The following SIK2 variants were observed in gnomAD, a reference collection of about 807,000 sequenced individuals.
SIK2 encodes salt inducible kinase 2.
In SIK2, 29 loss-of-function variants were observed where a neutral mutation model predicts 103.2. The observed-to-expected ratio is 0.28, with a 90% CI of 0.21 to 0.38. The LOEUF (loss-of-function observed/expected upper bound fraction) is 0.38, where lower values mean the gene tolerates loss of function less well. Among genes scored for constraint, SIK2 ranks in the 10% least tolerant of loss-of-function variants. The pLI, the probability that SIK2 is intolerant of heterozygous loss-of-function variation, is 1.00. For missense variants in SIK2, 879 were observed against 1,171.0 expected (o/e 0.75, Z 3.64); for synonymous variants, 412 against 446.1 (o/e 0.92, Z 0.96).
At chr11:111,622,258 T>C (rs1941898176) in intron 3 of SIK2, among the ~76,000 whole-genome samples, 1 of 128,628 alleles carries the variant, frequency 7.8e-6, no homozygotes, top group Non-Finnish European at 1.6e-5. Flanking sequence ...TTTTTTTTTT[T>C]TTTTTTTTTT....
chr11:111,719,872 G>A lies in SIK2; in HGVS notation c.1364G>A (p.Gly455Glu). Residue 455 changes from glycine to glutamate, a missense_variant, in exon 10 of 15, where the codon GGG (glycine) becomes GAG (glutamate). Gly to Glu is a moderately conservative substitution (Grantham distance 98). This residue lies in a region of SIK2 where 222 missense variants were observed against 258.0 expected (regional missense o/e 0.86). Coordinates refer to ENST00000304987, the MANE Select transcript of SIK2 (RefSeq NM_015191.3). ...ATGATGGAGACCTCCATTGACGAAG[G>A]GCTGGAGACAGAAGGAGAGGCCGAG... ...SNMMETSIDE[G>E]LETEGEAEED... 6.2e-7 allele frequency: 1 copy of A among 1,614,100 alleles called. No homozygotes were observed. Among genetic ancestry groups the A allele is most frequent in the Non-Finnish European group, 8.5e-7 (1 of 1,180,032 alleles).
intron 3 of SIK2, among the ~76,000 whole-genome samples, chr11:111,622,170 C>T (rs1267356814): frequency 6.6e-6 from 1 of 150,698 alleles, no homozygotes; most frequent in Non-Finnish European, 1.5e-5. Flanking sequence ...ATCAATGCAG[C>T]TACCATTTCT....
chr11:111,709,243 T>A (rs1387925482), intron 8 of SIK2, among the ~76,000 whole-genome samples: 3 of 152,146 alleles, frequency 2.0e-5, no homozygotes, highest in Non-Finnish European at 4.4e-5. Context: ...ATCTCTGGTG[T>A]CTCTCCCTCC....
chr11:111,634,512 T>G (rs905353132), intron 3 of SIK2, among the ~76,000 whole-genome samples: 1 of 152,184 alleles, frequency 6.6e-6, no homozygotes, highest in African/African-American at 2.4e-5. Context: ...AAATCTGTCC[T>G]TACTTCTCCA....
intron 3 of SIK2, among the ~76,000 whole-genome samples, chr11:111,668,206 T>TG (rs1942575556): frequency 2.8e-4 from 30 of 105,464 alleles, no homozygotes; most frequent in African/African-American, 8.9e-4. Context: ...GTGTGTGTGT[T>TG]TGTGCACACG....
At chr11:111,667,488 C>CTTTTTTT (rs565449284) in intron 3 of SIK2, among the ~76,000 whole-genome samples, 5 of 105,370 alleles carry the variant, frequency 4.7e-5, no homozygotes, top group Admixed American at 2.2e-4. Flanking sequence ...TGTTGGTTAT[C>CTTTTTTT]TTTTTTTTTT....
intron 3 of SIK2, among the ~76,000 whole-genome samples, chr11:111,653,366 C>A (rs371059893): frequency 6.6e-6 from 1 of 152,322 alleles, no homozygotes; most frequent in Non-Finnish European, 1.5e-5. Context: ...AGAAAAACAA[C>A]GTTGTATCCT....
intron 4 of SIK2, among the ~76,000 whole-genome samples, chr11:111,699,986 T>C (rs1943175278): frequency 6.6e-6 from 1 of 152,196 alleles, no homozygotes; most frequent in Non-Finnish European, 1.5e-5. Flanking sequence ...GGCTCTTCAG[T>C]CAGGAGTATG....
intron 8 of SIK2, among the ~76,000 whole-genome samples, chr11:111,707,360 C>A (rs1359794476): frequency 6.6e-6 from 1 of 152,210 alleles, no homozygotes; most frequent in African/African-American, 2.4e-5. Context: ...CCCGGCATAT[C>A]TCAAATTATA....
At chr11:111,663,605 T>C (rs1942496606) in intron 3 of SIK2, among the ~76,000 whole-genome samples, 1 of 152,120 alleles carries the variant, frequency 6.6e-6, no homozygotes, top group Non-Finnish European at 1.5e-5. Context: ...TTTCAGTGGT[T>C]ACTTTGACTT....
At chr11:111,613,864 A>G (rs1941764251) in intron 1 of SIK2, among the ~76,000 whole-genome samples, 2 of 152,154 alleles carry the variant, frequency 1.3e-5, no homozygotes, top group African/African-American at 4.8e-5. Context: ...AGAGTTCTAC[A>G]ATTAATTCAA....
chr11:111,695,501 T>C (rs1943050540), intron 4 of SIK2, among the ~76,000 whole-genome samples: 1 of 152,242 alleles, frequency 6.6e-6, no homozygotes, highest in South Asian at 2.1e-4. Flanking sequence ...ATTTAGCAAG[T>C]GTAATCTTTT....
intron 3 of SIK2, among the ~76,000 whole-genome samples, chr11:111,649,573 T>C (rs1274745750): frequency 1.3e-5 from 2 of 152,162 alleles, no homozygotes; most frequent in Non-Finnish European, 2.9e-5. Flanking sequence ...AGTTACATTA[T>C]CTACTTGGGG....
chr11:111,716,062 A>C (rs940302003), intron 9 of SIK2, among the ~76,000 whole-genome samples: 6 of 152,108 alleles, frequency 3.9e-5, no homozygotes, highest in Non-Finnish European at 8.8e-5. Flanking sequence ...TTGGCCTCCC[A>C]AAGTACTGGG....
At chr11:111,697,217 A>G (rs1943096584) in intron 4 of SIK2, among the ~76,000 whole-genome samples, 2 of 152,222 alleles carry the variant, frequency 1.3e-5, no homozygotes, top group African/African-American at 4.8e-5. Context: ...TAAAATAAGG[A>G]TACTTCATAG....
In SIK2 at chr11:111,723,774, G is replaced by A. The variant is rs34223841; in HGVS notation, c.2426G>A (p.Arg809Gln). ...CCCCTGCCCTCCACTTCCGGTCCCC[G>A]GGCTGCTCCTCCTCTGCCCACGCAG... The part of the protein sequence containing the change: ...LQPLPSTSGP[R>Q]AAPPLPTQLQ... The change falls in exon 15 of 15, where the codon CGG (arginine) becomes CAG (glutamine). Residue 809 changes from arginine (R) to glutamine (Q), a missense_variant. Transcript: ENST00000304987. 1.1e-4 allele frequency: 175 copies of A among 1,613,682 alleles called. No individual in the cohort carries two copies. In the African/African-American group the frequency reaches 2.0e-3, roughly 18 times the overall value.
At chr11:111,672,005 G>A (rs926764569) in intron 3 of SIK2, 23 of 520,202 alleles carry the variant, frequency 4.4e-5, no homozygotes, top group Non-Finnish European at 8.4e-5. Flanking sequence ...TTCTGCTGCT[G>A]CAGGAGGCTC....
At position 111,711,873 on chromosome 11, in the gene SIK2, T is replaced by A. The variant is rs185742818; in HGVS notation, c.1102-338T>A. On this transcript the variant is annotated intron_variant, in intron 8 of 14. Coordinates refer to ENST00000304987, the MANE Select transcript of SIK2 (RefSeq NM_015191.3). ...TTCTTTATCTGTCTGGGTATTATAT[T>A]TAAAGAAAGAGACAAATATGTTTGT... is the stretch of plus-strand genomic sequence containing the variant. Among the ~76,000 whole-genome samples the A allele has an allele frequency of 1.2e-4, 18 of 152,332 alleles. No individual in the cohort carries two copies. In the East Asian group the frequency reaches 2.5e-3, roughly 21 times the overall value.
chr11:111,703,100 G>T (rs1943255526), intron 6 of SIK2, 103 bp from the exon 7 acceptor site: 3 of 942,290 alleles, frequency 3.2e-6, no homozygotes, highest in Admixed American at 4.4e-5. Flanking sequence ...TCCAGTAGAG[G>T]ATACAAAGAT....
Sources: gnomAD v4.1 joint callset for allele counts (sites outside exome capture counted in the v4.1 genomes callset) on GRCh38, gnomAD v4.1.1 for gene constraint, gnomAD v4.1.1 regional missense constraint, MANE v1.5 for transcripts, NCBI Gene and HGNC (gene_info 2026-07-23, HGNC 2026-07-21) for gene names.